Variants in PDSS2 observed in about 807,000 individuals in gnomAD.
PDSS2 encodes the protein decaprenyl diphosphate synthase subunit 2.
Under a neutral mutation model 44.5 loss-of-function variants are expected in PDSS2, and 31 were observed. That is an observed-to-expected ratio of 0.70 (90% confidence interval 0.52 to 0.94). The LOEUF is 0.94. PDSS2 is among the 40% of genes least tolerant of loss of function. The probability of loss-of-function intolerance (pLI) is 0.00; values close to 1 mark genes in which losing one functional copy is unlikely to be tolerated. For missense variants in PDSS2, 452 were observed against 482.2 expected, an observed-to-expected ratio of 0.94 and a Z score of 0.59; for synonymous variants, 157 against 180.3, an observed-to-expected ratio of 0.87 and a Z score of 1.03.
chr6:107,190,829 CACACAGCCCCGTATATGCCA>C (rs1204471707), intron 7 of PDSS2, among the ~76,000 whole-genome samples: 10 of 152,132 alleles, frequency 6.6e-5, no homozygotes, highest in Admixed American at 5.9e-4. Flanking sequence ...GGGGAGAGAT[CACACAGCCCCGTATATGCCA>C]ACCCAGCAAG....
intron 2 of PDSS2, among the ~76,000 whole-genome samples, chr6:107,275,989 G>A (rs982767585): frequency 4.0e-5 from 6 of 151,642 alleles, no homozygotes; most frequent in Admixed American, 3.3e-4. Context: ...GTGAGAGGGT[G>A]CACGCCTGTA....
intron 1 of PDSS2, among the ~76,000 whole-genome samples, chr6:107,454,190 G>A (rs1479472969): frequency 6.6e-6 from 1 of 151,694 alleles, no homozygotes; most frequent in Non-Finnish European, 1.5e-5. Flanking sequence ...TAAGACTGCA[G>A]GCATGCACCA....
intron 3 of PDSS2, among the ~76,000 whole-genome samples, chr6:107,251,796 T>C (rs1247482200): frequency 6.6e-6 from 1 of 152,122 alleles, no homozygotes; most frequent in Admixed American, 6.6e-5. Context: ...AATAGGCCGA[T>C]AAAGGTAACC....
At chr6:107,330,836 A>T (rs989586811) in intron 2 of PDSS2, among the ~76,000 whole-genome samples, 1 of 152,188 alleles carries the variant, frequency 6.6e-6, no homozygotes, top group African/African-American at 2.4e-5. Context: ...ACATTTTTAT[A>T]AATGTGGCTT....
chr6:107,157,306 AC>A (rs35421406), intron 7 of PDSS2, among the ~76,000 whole-genome samples: 40,946 of 151,572 alleles, frequency 0.27, 6,704 homozygotes, highest in Non-Finnish European at 0.36. Flanking sequence ...CACCTCAGCC[AC>A]CCGGGTAGCT....
chr6:107,381,167 T>A (rs909907976), intron 1 of PDSS2, among the ~76,000 whole-genome samples: 4 of 152,186 alleles, frequency 2.6e-5, no homozygotes, highest in Admixed American at 1.3e-4. Context: ...AGCACGTATT[T>A]AATAAATATT....
At chr6:107,418,873 A>T (rs1353488294) in intron 1 of PDSS2, among the ~76,000 whole-genome samples, 1 of 152,220 alleles carries the variant, frequency 6.6e-6, no homozygotes, top group Non-Finnish European at 1.5e-5. Context: ...AAACTAATAT[A>T]GATGGTAAGA....
chr6:107,201,840 T>C (rs1252460870), intron 6 of PDSS2, among the ~76,000 whole-genome samples: 1 of 152,176 alleles, frequency 6.6e-6, no homozygotes. Flanking sequence ...CCCCGCAAAC[T>C]TTTTAGTTGA....
At chr6:107,458,663 A>AT (rs397705742) in intron 1 of PDSS2, among the ~76,000 whole-genome samples, 1 of 151,368 alleles carries the variant, frequency 6.6e-6, no homozygotes, top group African/African-American at 2.4e-5. Flanking sequence ...AAAAAAAAAA[A>AT]TTTCTAGGAA....
intron 1 of PDSS2, among the ~76,000 whole-genome samples, chr6:107,420,669 G>A (rs1199686005): frequency 1.3e-5 from 2 of 152,022 alleles, no homozygotes; most frequent in Non-Finnish European, 2.9e-5. Context: ...AACGCACACC[G>A]CATACAAAGA....
At chr6:107,252,685 T>C (rs1205287179) in intron 3 of PDSS2, among the ~76,000 whole-genome samples, 2 of 152,150 alleles carry the variant, frequency 1.3e-5, no homozygotes, top group African/African-American at 4.8e-5. Context: ...TCTCAGCACT[T>C]TGAGAGGCCG....
chr6:107,223,224 C>G (rs1355807131), intron 4 of PDSS2, among the ~76,000 whole-genome samples: 3 of 150,750 alleles, frequency 2.0e-5, no homozygotes, highest in African/African-American at 7.4e-5. Flanking sequence ...CCACTGCGCT[C>G]TACAAACATT....
Position 107,154,396 on chromosome 6 carries a change from A to T in PDSS2, c.*223T>A. On this transcript the variant is annotated 3_prime_UTR_variant, in exon 8 of 8. Coordinates refer to ENST00000369037, the MANE Select transcript of PDSS2 (RefSeq NM_020381.4). ...AATTATTTCTGCGACTGCAGCCTCA[A>T]GTGTGCTTCTGGCGTGACAAGTGAA... 1.9e-6 allele frequency: 1 copy of T among 513,226 alleles called. No homozygotes were observed. The highest frequency in any genetic ancestry group is 2.1e-5 in the South Asian group (1 of 48,442). The allele number at this position is 513,226 out of a possible 1,614,324, so 31.8% of individuals were successfully genotyped here.
At chr6:107,245,482 T>G in intron 4 of PDSS2, 66 bp downstream of exon 4, 1 of 783,156 alleles carries the variant, frequency 1.3e-6, no homozygotes. Context: ...AGAATGACAT[T>G]TTCGTTATTC....
intron 4 of PDSS2, among the ~76,000 whole-genome samples, chr6:107,238,031 GA>G (rs1298320525): frequency 2.1e-4 from 32 of 151,916 alleles, no homozygotes; most frequent in Admixed American, 1.8e-3. Flanking sequence ...ATCCGTGCTT[GA>G]AAAAAATAGA....
At chr6:107,175,623 G>C (rs1345905840) in intron 7 of PDSS2, among the ~76,000 whole-genome samples, 1 of 152,084 alleles carries the variant, frequency 6.6e-6, no homozygotes, top group African/African-American at 2.4e-5. Context: ...AGAGATTGCA[G>C]AAAATTGAAG....
chr6:107,241,094 C>G (rs1264735818), intron 4 of PDSS2, among the ~76,000 whole-genome samples: 1 of 151,508 alleles, frequency 6.6e-6, no homozygotes, highest in Non-Finnish European at 1.5e-5. Context: ...ACTGAAAATA[C>G]AAAAATTAGT....
chr6:107,417,324 G>T (rs2114682445), intron 1 of PDSS2, among the ~76,000 whole-genome samples: 1 of 152,262 alleles, frequency 6.6e-6, no homozygotes, highest in East Asian at 1.9e-4. Context: ...AAGATATAGT[G>T]ATACTAGTAC....
At chr6:107,426,490 T>G (rs190419834) in intron 1 of PDSS2, among the ~76,000 whole-genome samples, 1 of 152,190 alleles carries the variant, frequency 6.6e-6, no homozygotes, top group Admixed American at 6.5e-5. Flanking sequence ...AAAAAGTCCC[T>G]ACTGGGGCAC....
Sources: allele counts gnomAD v4.1 joint callset (sites outside exome capture counted in the v4.1 genomes callset), GRCh38; gene constraint gnomAD v4.1.1; transcripts MANE v1.5; gene names NCBI Gene and HGNC (gene_info 2026-07-23, HGNC 2026-07-21).